REXO1: variants seen among roughly 807,000 people sequenced by gnomAD.
REXO1 encodes REX1, RNA exonuclease 1 homolog.
Under a neutral mutation model 102.6 loss-of-function variants are expected in REXO1, and 42 were observed. The ratio of observed to expected loss-of-function variants is 0.41; its 90% CI spans 0.32 to 0.53. REXO1 has a LOEUF of 0.53. Among genes scored for constraint, REXO1 ranks in the 20% least tolerant of loss-of-function variants. The pLI is 0.27. For synonymous variants in REXO1, 908 were observed against 779.1 expected (o/e 1.17, Z -2.76); for missense variants, 1,819 against 1,732.5 (o/e 1.05, Z -0.89).
intron 1 of REXO1, among the ~76,000 whole-genome samples, chr19:1,839,409 C>T (rs2011198838): frequency 6.6e-6 from 1 of 152,240 alleles, no homozygotes; most frequent in Non-Finnish European, 1.5e-5. Context: ...GCAGCCTCTT[C>T]CAGGGGCTCA....
At position 1,819,104 on chromosome 19, in the gene REXO1, T is replaced by G; in HGVS notation, c.2678A>C (p.His893Pro). 1 of 1,593,852 alleles carries G rather than the reference T, an allele frequency of 6.3e-7. No homozygotes were observed. The highest frequency in any genetic ancestry group is 8.6e-7 in the Non-Finnish European group (1 of 1,169,154). The change falls in exon 8 of 16, where the codon CAC (histidine) becomes CCC (proline). Residue 893 changes from histidine (H) to proline (P), a missense_variant. His to Pro is a moderately conservative substitution (Grantham distance 77, BLOSUM62 -2). Transcript: ENST00000170168. Reference protein sequence around the residue: ...SKTSGRRVVSHEVVLGGRLAA... With the variant: ...SKTSGRRVVSPEVVLGGRLAA... ...CAACCTGCCCCCCAACACCACCTCG[T>G]GGGACACAACCCTGCGGCCACTGGT...
rs750109640 is a variant in REXO1, at chr19:1,821,501, C to T, written c.2394+18G>A. On this transcript the variant is annotated intron_variant, in intron 5 of 15. Transcript: ENST00000170168. ...TGGTCTTGGGGGTGGTGGTCCTGGC[C>T]GAGATGGGAGGGGCTACCTGTAAGG... The T allele has an allele frequency of 9.3e-6, 15 of 1,612,850 alleles. No homozygotes were observed. The East Asian group carries it at 1.1e-4, about 12-fold the overall frequency.
chr19:1,839,208 T>C (rs956995263), intron 1 of REXO1, among the ~76,000 whole-genome samples: 4 of 146,348 alleles, frequency 2.7e-5, no homozygotes, highest in African/African-American at 5.1e-5. Flanking sequence ...TGAGCCAAGA[T>C]CACGCCACTG....
chr19:1,837,069 C>G (rs926265836), intron 1 of REXO1, among the ~76,000 whole-genome samples: 4 of 152,228 alleles, frequency 2.6e-5, no homozygotes, highest in Non-Finnish European at 5.9e-5. Context: ...CAGAAGAGGA[C>G]ATTCCCAAAA....
rs892840685 is a variant in REXO1 at position 1,816,629 on chromosome 19, G to C, written c.3318-60C>G. 12 of 1,585,296 alleles carry C rather than the reference G, an allele frequency of 7.6e-6. No homozygotes were observed. The East Asian group carries it at 9.0e-5, about 12-fold the overall frequency. On this transcript the variant is annotated intron_variant, in intron 13 of 15. Transcript: ENST00000170168. ...GCCTGGAAGCACTGGCTGGTGGGGC[G>C]GGGGAGGGTGGGTCCCTGGGGAGAG...
At position 1,821,502 on chromosome 19, in the gene REXO1, G is replaced by A. The variant is rs112552875; in HGVS notation, c.2394+17C>T. 329 of 1,613,128 alleles carry A rather than the reference G, an allele frequency of 2.0e-4. 1 individual carries two copies. In the African/African-American group the frequency reaches 3.5e-3, roughly 17 times the overall value. On this transcript the variant is annotated intron_variant, in intron 5 of 15. Coordinates refer to ENST00000170168, the MANE Select transcript of REXO1 (RefSeq NM_020695.4). The stretch of plus-strand genomic sequence containing the variant: ...GGTCTTGGGGGTGGTGGTCCTGGCC[G>A]AGATGGGAGGGGCTACCTGTAAGGA...
In REXO1 at chr19:1,815,899, G is replaced by A. The variant is rs186656374; in HGVS notation, c.*167C>T. On this transcript the variant is annotated 3_prime_UTR_variant, in exon 16 of 16. Coordinates refer to ENST00000170168, the MANE Select transcript of REXO1 (RefSeq NM_020695.4). The surrounding 1 kb of genome is among the most constrained non-coding windows in gnomAD (Gnocchi z 4.0). ...CGGAGGGGTGCGGCAGGACGTGAGC[G>A]GGGGTGGGCTGGGCTGGGCGTTCTC... The A allele has an allele frequency of 1.8e-5, 28 of 1,532,160 alleles. No individual in the cohort carries two copies. Among genetic ancestry groups the A allele is most frequent in the Admixed American group, 1.2e-4 (6 of 50,910 alleles). 94.9% of individuals were successfully genotyped at this position (1,532,160 alleles called of 1,614,324 possible).
In REXO1 at chr19:1,827,534, G is replaced by T. The variant is rs755036213; in HGVS notation, c.1255C>A (p.Gln419Lys). Reference sequence around the variant, plus strand: ...GCCTTGCGCCGGGGGCTGCTGGCCTGCGGGCCCTTCTTGTCCGCACGGGGC... The same window carrying T: ...GCCTTGCGCCGGGGGCTGCTGGCCTTCGGGCCCTTCTTGTCCGCACGGGGC... The part of the protein sequence containing the change: ...EKPRADKKGP[Q>K]ASSPRRKAER... Residue 419 changes from glutamine to lysine, a missense_variant, in exon 2 of 16, where the codon CAG becomes AAG. Physicochemically the swap from Gln to Lys is moderately conservative, Grantham distance 53. Transcript: ENST00000170168. 1 of 1,586,434 alleles carries T rather than the reference G, an allele frequency of 6.3e-7. No individual in the cohort carries two copies. Among genetic ancestry groups the T allele is most frequent in the South Asian group, 1.1e-5 (1 of 87,444 alleles).
In REXO1 at chr19:1,823,588, G is replaced by A; in HGVS notation, c.2214C>T (p.Asn738=). The A allele has an allele frequency of 9.8e-6, 13 of 1,320,200 alleles. No individual in the cohort carries two copies. Among genetic ancestry groups the A allele is most frequent in the Non-Finnish European group, 1.3e-5 (13 of 1,027,242 alleles). The allele number at this position is 1,320,200 out of a possible 1,614,324, so 81.8% of individuals were successfully genotyped here. Residue 738 remains asparagine (N), a synonymous_variant, in exon 4 of 16, where the codon AAC becomes AAT. Transcript: ENST00000170168. Reference sequence around the variant, plus strand: ...AGGACTCACCTGCAGCCAGGCGGGGGTTGGGGATGTGGGCGATCCTCCTCT... The same window carrying A: ...AGGACTCACCTGCAGCCAGGCGGGGATTGGGGATGTGGGCGATCCTCCTCT... ...GEKRRIAHIP[N]PRLAAAPTGA...
intron 12 of REXO1, 105 bp from the exon 13 acceptor site, chr19:1,816,918 A>G: frequency 1.1e-6 from 1 of 877,316 alleles, no homozygotes; most frequent in South Asian, 1.5e-5. Flanking sequence ...AGAGGCAGTG[A>G]CCAGAGACTC....
Position 1,818,525 on chromosome 19 carries a change from G to A in REXO1, c.2973C>T (p.Asp991=), listed in dbSNP as rs370136548. 119 of 1,611,696 alleles carry A rather than the reference G, an allele frequency of 7.4e-5. No individual in the cohort carries two copies. The highest frequency in any genetic ancestry group is 1.7e-4 in the Middle Eastern group (1 of 5,850). ...GTCCCCAGTGGTAATAACACTCCTC[G>A]TCCCGGATGCAGCGGCCTGAAGAGG... ...LVSSSGRCIR[D]EECYYHWGRL... The change falls in exon 10 of 16, where the codon GAC becomes GAT. Residue 991 remains aspartate, a synonymous_variant. Coordinates refer to ENST00000170168, the MANE Select transcript of REXO1 (RefSeq NM_020695.4).
intron 1 of REXO1, among the ~76,000 whole-genome samples, chr19:1,838,590 G>A (rs10402394): frequency 2.6e-5 from 4 of 151,146 alleles, no homozygotes; most frequent in Non-Finnish European, 5.9e-5. Flanking sequence ...GTTTGAACTC[G>A]GGAGGCGGAC....
At chr19:1,830,780 C>A (rs558706538) in intron 1 of REXO1, 9 of 202,358 alleles carry the variant, frequency 4.4e-5, no homozygotes, top group South Asian at 4.3e-4. Context: ...AGCTTCAACA[C>A]CACCACCTTC....
chr19:1,825,787 T>TG, intron 3 of REXO1, 52 bp downstream of exon 3: 1 of 995,590 alleles, frequency 1.0e-6, no homozygotes, highest in Non-Finnish European at 1.5e-6. Flanking sequence ...ACCTCGTCTT[T>TG]AAAAAAAAAA....
chr19:1,829,528 G>C (rs1446239366), intron 1 of REXO1, among the ~76,000 whole-genome samples: 3 of 152,202 alleles, frequency 2.0e-5, no homozygotes, highest in Non-Finnish European at 4.4e-5. Flanking sequence ...ACTTTTTGTA[G>C]CTGGGCGCGG....
intron 1 of REXO1, among the ~76,000 whole-genome samples, chr19:1,831,888 AAAAG>A (rs2069915524): frequency 1.3e-5 from 2 of 149,940 alleles, no homozygotes; most frequent in Non-Finnish European, 3.0e-5. Context: ...GAAAAAGAAA[AAAAG>A]AAATGGCTGG....
At chr19:1,844,600 C>T (rs777006707) in intron 1 of REXO1, among the ~76,000 whole-genome samples, 47 of 152,336 alleles carry the variant, frequency 3.1e-4, no homozygotes, top group Middle Eastern at 3.4e-3. Context: ...TACCCCAGGA[C>T]TCCTGCCCTC....
rs1275635518 is a variant in REXO1 at position 1,827,473 on chromosome 19, G to C, written c.1316C>G (p.Ser439Trp). 1.3e-6 allele frequency: 2 copies of C among 1,572,854 alleles called. No homozygotes were observed. The highest frequency in any genetic ancestry group is 1.4e-5 in the African/African-American group (1 of 72,562). Residue 439 changes from serine (S) to tryptophan (W), a missense_variant, in exon 2 of 16, where the codon TCG (serine) becomes TGG (tryptophan). Ser to Trp is a radical substitution (Grantham distance 177). Coordinates refer to ENST00000170168, the MANE Select transcript of REXO1 (RefSeq NM_020695.4). Reference sequence around the variant, plus strand: ...CCCTGAGGTGGCCACAGGAGTGGCCGAAGATGGCTTCTTCTTGGTCCCTTC... The same window carrying C: ...CCCTGAGGTGGCCACAGGAGTGGCCCAAGATGGCTTCTTCTTGGTCCCTTC... ...RPEGTKKKPSSATPVATSGKG... is the reference protein window; with the variant it reads ...RPEGTKKKPSWATPVATSGKG...
intron 1 of REXO1, among the ~76,000 whole-genome samples, chr19:1,831,561 G>C (rs527600270): frequency 3.3e-5 from 5 of 151,884 alleles, no homozygotes; most frequent in Non-Finnish European, 7.4e-5. Context: ...GGCTGGTTTC[G>C]GCCGGTTGTG....
Sources: allele counts gnomAD v4.1 joint callset (sites outside exome capture counted in the v4.1 genomes callset), GRCh38; gene constraint gnomAD v4.1.1; non-coding constraint Gnocchi (gnomAD v3.1); transcripts MANE v1.5; gene names NCBI Gene and HGNC (gene_info 2026-07-23, HGNC 2026-07-21).